Variants in TTC29 observed in about 807,000 individuals in gnomAD.
The protein encoded by TTC29 is tetratricopeptide repeat domain 29, also known as tetratricopeptide repeat protein 29.
Under a neutral mutation model 58.1 loss-of-function variants are expected in TTC29, and 49 were observed. The observed-to-expected ratio is 0.84, with a 90% CI of 0.67 to 1.07. TTC29 has a LOEUF of 1.07. TTC29 is among the 50% of genes least tolerant of loss of function. The pLI is 0.00. For missense variants in TTC29, 582 were observed against 555.6 expected, an observed-to-expected ratio of 1.05 and a Z score of -0.48; for synonymous variants, 209 against 196.8, an observed-to-expected ratio of 1.06 and a Z score of -0.52.
intron 8 of TTC29, among the ~76,000 whole-genome samples, chr4:146,848,029 C>A (rs1729287788): frequency 6.6e-6 from 1 of 152,162 alleles, no homozygotes; most frequent in Non-Finnish European, 1.5e-5. Context: ...ACAAAAATCA[C>A]TTGTACAACT....
intron 6 of TTC29, among the ~76,000 whole-genome samples, chr4:146,882,475 A>C (rs552207478): frequency 6.6e-6 from 1 of 151,062 alleles, no homozygotes; most frequent in Middle Eastern, 3.4e-3. Flanking sequence ...AAATTGTTTT[A>C]CTTTAATGTT....
At chr4:146,785,931 A>T (rs937346138) in intron 11 of TTC29, among the ~76,000 whole-genome samples, 2 of 151,924 alleles carry the variant, frequency 1.3e-5, no homozygotes, top group South Asian at 4.1e-4. Flanking sequence ...TTTGTACTAG[A>T]ATTGGGTTAT....
chr4:146,771,214 G>A (rs1256668107), intron 11 of TTC29, among the ~76,000 whole-genome samples: 4 of 152,014 alleles, frequency 2.6e-5, no homozygotes, highest in African/African-American at 7.2e-5. Flanking sequence ...TCAGTTTTAT[G>A]GTTAGGTTTT....
intron 11 of TTC29, among the ~76,000 whole-genome samples, chr4:146,760,376 A>G (rs1010949697): frequency 3.3e-5 from 5 of 152,068 alleles, no homozygotes; most frequent in African/African-American, 1.2e-4. Flanking sequence ...AGCAATCTAC[A>G]AATTCAATGC....
At chr4:146,713,889 C>A (rs2149994956) in intron 11 of TTC29, among the ~76,000 whole-genome samples, 1 of 152,188 alleles carries the variant, frequency 6.6e-6, no homozygotes, top group South Asian at 2.1e-4. Context: ...ATATCTGATT[C>A]AGGTCTATTA....
At chr4:146,817,291 GACAA>G (rs1459266912) in intron 10 of TTC29, among the ~76,000 whole-genome samples, 3 of 152,086 alleles carry the variant, frequency 2.0e-5, no homozygotes, top group Non-Finnish European at 2.9e-5. Context: ...ACGAATAACA[GACAA>G]ACAGAGAGCC....
chr4:146,932,855 G>A (rs1735449334), intron 4 of TTC29, among the ~76,000 whole-genome samples: 1 of 152,040 alleles, frequency 6.6e-6, no homozygotes, highest in East Asian at 1.9e-4. Context: ...AGGAGATAGA[G>A]ACCATCCTGG....
intron 6 of TTC29, among the ~76,000 whole-genome samples, chr4:146,894,725 C>A (rs905278678): frequency 1.3e-5 from 2 of 151,832 alleles, no homozygotes; most frequent in Non-Finnish European, 2.9e-5. Flanking sequence ...ATTACCCAGT[C>A]TCAGGTAGTT....
intron 5 of TTC29, among the ~76,000 whole-genome samples, chr4:146,906,668 C>A (rs946034788): frequency 6.6e-6 from 1 of 152,134 alleles, no homozygotes; most frequent in Non-Finnish European, 1.5e-5. Context: ...AAAATTATAA[C>A]AATTTTTGAA....
At chr4:146,868,101 G>A (rs1340025615) in intron 7 of TTC29, among the ~76,000 whole-genome samples, 1 of 152,036 alleles carries the variant, frequency 6.6e-6, no homozygotes, top group Non-Finnish European at 1.5e-5. Flanking sequence ...ACAAATTAAT[G>A]AATTTTTATT....
intron 11 of TTC29, among the ~76,000 whole-genome samples, chr4:146,748,908 T>C (rs1055442144): frequency 6.6e-6 from 1 of 152,128 alleles, no homozygotes; most frequent in Admixed American, 6.5e-5. Flanking sequence ...TAGAAATCTA[T>C]GAATTACCTG....
chr4:146,725,944 T>A (rs1416950660), intron 11 of TTC29, among the ~76,000 whole-genome samples: 1 of 152,120 alleles, frequency 6.6e-6, no homozygotes, highest in South Asian at 2.1e-4. Context: ...GTAATTATAG[T>A]CCACTGCAGC....
chr4:146,789,391 A>C (rs1222929073), intron 11 of TTC29, among the ~76,000 whole-genome samples: 3 of 152,206 alleles, frequency 2.0e-5, no homozygotes, highest in African/African-American at 4.8e-5. Context: ...TATAATTCTA[A>C]GATAGGACCC....
chr4:146,710,741 T>G (rs1742430807), intron 11 of TTC29, among the ~76,000 whole-genome samples: 1 of 152,086 alleles, frequency 6.6e-6, no homozygotes, highest in East Asian at 1.9e-4. Flanking sequence ...GCTTATACGA[T>G]CTACATTTCA....
chr4:146,779,497 C>A (rs1163347849), intron 11 of TTC29, among the ~76,000 whole-genome samples: 1 of 152,026 alleles, frequency 6.6e-6, no homozygotes, highest in Non-Finnish European at 1.5e-5. Flanking sequence ...TAAATCAGAT[C>A]CATTGGTAAA....
chr4:146,874,891 G>T lies in TTC29; in HGVS notation c.624C>A (p.Phe208Leu). The T allele has an allele frequency of 6.2e-7, 1 of 1,613,504 alleles. No individual in the cohort carries two copies. Among genetic ancestry groups the T allele is most frequent in the Non-Finnish European group, 8.5e-7 (1 of 1,179,680 alleles). ...ATATCCGCCCCTGTGTCAATTGATG[G>T]AATGCTTCATAATGCTCAGCAGCTT... ...LLEAAEHYEA[F>L]HQLTQGRIWK... is the part of the protein sequence containing the mutation. Residue 208 changes from phenylalanine (F) to leucine (L), a missense_variant, in exon 7 of 13, where the codon TTC becomes TTA. By Grantham distance (22) the Phe-to-Leu change is conservative. Coordinates refer to ENST00000325106, the MANE Select transcript of TTC29 (RefSeq NM_031956.4).
At chr4:146,721,150 C>T (rs1743325636) in intron 11 of TTC29, among the ~76,000 whole-genome samples, 1 of 152,084 alleles carries the variant, frequency 6.6e-6, no homozygotes, top group Admixed American at 6.6e-5. Context: ...AAAACAAATA[C>T]TGACTTTAAA....
chr4:146,752,976 A>G (rs1746137536), intron 11 of TTC29, among the ~76,000 whole-genome samples: 1 of 152,252 alleles, frequency 6.6e-6, no homozygotes. Context: ...AATACCATTC[A>G]GGACATAGGC....
At chr4:146,785,523 C>A (rs1748945345) in intron 11 of TTC29, among the ~76,000 whole-genome samples, 1 of 152,152 alleles carries the variant, frequency 6.6e-6, no homozygotes, top group Non-Finnish European at 1.5e-5. Flanking sequence ...TCTGCTCTAT[C>A]CTCTGAGGAG....
Sources: allele counts gnomAD v4.1 joint callset (sites outside exome capture counted in the v4.1 genomes callset), GRCh38; gene constraint gnomAD v4.1.1; transcripts MANE v1.5; gene names NCBI Gene and HGNC (gene_info 2026-07-23, HGNC 2026-07-21).